Variants in RELN observed in about 807,000 individuals in gnomAD.
RELN encodes the protein reelin.
Under a neutral mutation model 427.6 loss-of-function variants are expected in RELN, and 108 were observed. That is an observed-to-expected ratio of 0.25 (90% CI 0.22 to 0.30). RELN has a LOEUF of 0.30. RELN is among the 10% of genes least tolerant of loss of function. The pLI, the probability that RELN is intolerant of heterozygous loss-of-function variation, is 1.00. For missense variants in RELN, 3,715 were observed against 4,302.8 expected (o/e 0.86, Z 3.82); for synonymous variants, 1,524 against 1,513.4 (o/e 1.01, Z -0.16).
chr7:103,748,889 AAC>A (rs1396810110), intron 6 of RELN, among the ~76,000 whole-genome samples: 1 of 152,216 alleles, frequency 6.6e-6, no homozygotes, highest in African/African-American at 2.4e-5. Context: ...GCAAAAATGC[AAC>A]AGATTGCCAA....
chr7:103,520,954 G>GTTTTTTTTTTTTTTTTT (rs1462369530), intron 48 of RELN, among the ~76,000 whole-genome samples: 2 of 78,186 alleles, frequency 2.6e-5, no homozygotes, highest in African/African-American at 5.0e-5. Context: ...CAGTAAATTT[G>GTTTTTTTTTTTTTTTTT]TTATTTTTTT....
Position 103,574,080 on chromosome 7 carries a change from A to C in RELN, c.4511+12T>G, listed in dbSNP as rs758509796. On this transcript the variant is annotated intron_variant, in intron 30 of 64. Transcript: ENST00000428762. ...ATGTTTGTGAAAAAGTATACCAGTT[A>C]ATACTTGTTACCTGATATTCCTGGT... 16 of 1,597,064 alleles carry C rather than the reference A, an allele frequency of 1.0e-5. No individual in the cohort carries two copies. The African/African-American group carries it at 1.9e-4, about 19-fold the overall frequency.
In RELN at chr7:103,708,464, C is replaced by CTTT. The variant is rs745955015; in HGVS notation, c.806-7461_806-7459dup. ...CACCCAAACACCAGTGGGTATGACT[C>CTTT]TTTTTTTTTTTTTTTTTGAGACGGA... On this transcript the variant is annotated intron_variant, in intron 8 of 64. Coordinates refer to ENST00000428762, the MANE Select transcript of RELN (RefSeq NM_005045.4). 1.2e-4 allele frequency among the ~76,000 whole-genome samples: 13 copies of CTTT among 110,104 alleles called. 1 individual carries two copies. Among genetic ancestry groups the CTTT allele is most frequent in the African/African-American group, 5.8e-4 (13 of 22,606 alleles). 72.2% of individuals were successfully genotyped at this position (110,104 alleles called of 152,430 possible). A position where few individuals can be genotyped will look rare whatever the true frequency, so the allele number is the denominator to read the frequency against.
At chr7:103,880,383 T>A (rs528434708) in intron 2 of RELN, among the ~76,000 whole-genome samples, 2 of 152,282 alleles carry the variant, frequency 1.3e-5, no homozygotes, top group African/African-American at 4.8e-5. Context: ...GTGATGCAGA[T>A]CATGAGTCAT....
At chr7:103,545,915 C>T (rs1252395010) in intron 41 of RELN, among the ~76,000 whole-genome samples, 1 of 152,176 alleles carries the variant, frequency 6.6e-6, no homozygotes, top group Admixed American at 6.5e-5. Context: ...GGATTACAAG[C>T]GTGAGCCACC....
intron 1 of RELN, among the ~76,000 whole-genome samples, chr7:103,973,057 C>A (rs1262833901): frequency 6.6e-6 from 1 of 152,184 alleles, no homozygotes; most frequent in Non-Finnish European, 1.5e-5. Flanking sequence ...AAAAAGAATT[C>A]TGTGTAGAAT....
At chr7:103,903,414 A>G (rs1795125457) in intron 2 of RELN, among the ~76,000 whole-genome samples, 1 of 152,132 alleles carries the variant, frequency 6.6e-6, no homozygotes, top group Admixed American at 6.6e-5. Flanking sequence ...ATGAGAAAGT[A>G]TCCCATGTAA....
chr7:103,594,608 A>C (rs1367577580), intron 25 of RELN, 116 bp from the exon 26 acceptor site: 1 of 1,127,440 alleles, frequency 8.9e-7, no homozygotes, highest in African/African-American at 1.5e-5. Flanking sequence ...TTTGATCTCA[A>C]TATTTTCCAA....
At chr7:103,796,315 T>G (rs921980918) in intron 3 of RELN, among the ~76,000 whole-genome samples, 2 of 152,194 alleles carry the variant, frequency 1.3e-5, no homozygotes, top group East Asian at 1.9e-4. Context: ...GTGACCTTAG[T>G]TCTTCTTAAT....
chr7:103,515,541 A>G, intron 49 of RELN, 100 bp from the exon 50 acceptor site: 1 of 1,458,038 alleles, frequency 6.9e-7, no homozygotes, highest in Non-Finnish European at 9.5e-7. Context: ...TGTATGTCAC[A>G]TGGTGGGTGA....
At chr7:103,715,213 C>T (rs1417485299) in intron 8 of RELN, among the ~76,000 whole-genome samples, 1 of 151,860 alleles carries the variant, frequency 6.6e-6, no homozygotes, top group Non-Finnish European at 1.5e-5. Flanking sequence ...TAAGCATCTA[C>T]TAAAAATGGA....
chr7:103,866,982 G>A lies in RELN; in HGVS notation c.338-33310C>T, dbSNP rs200625722. On this transcript the variant is annotated intron_variant, in intron 2 of 64. Transcript: ENST00000428762. The stretch of plus-strand genomic sequence containing the variant: ...CCCTAACAGATCAATACGTTTCAAG[G>A]ATTAAACACCAGGAGATATGTAAAA... Among the ~76,000 whole-genome samples, 6 of 152,082 alleles carry A rather than the reference G, an allele frequency of 3.9e-5. No homozygotes were observed. The East Asian group carries it at 1.2e-3, about 29-fold the overall frequency.
intron 33 of RELN, 23 bp downstream of exon 33, chr7:103,566,201 C>G: frequency 6.3e-7 from 1 of 1,586,280 alleles, no homozygotes; most frequent in Non-Finnish European, 8.7e-7. Flanking sequence ...GATATTTTCC[C>G]TTTATCTGGT....
In RELN at chr7:103,503,153, C is replaced by T. The variant is rs1211636290; in HGVS notation, c.8352G>A (p.Val2784=). The T allele has an allele frequency of 1.2e-6, 2 of 1,614,206 alleles. No homozygotes were observed. The highest frequency in any genetic ancestry group is 8.5e-7 in the Non-Finnish European group (1 of 1,180,038). ...ACTGAGGGACCAGATAATTCCAACT[C>T]ACACCGAAGTCAGTAGAATACTGCA... ...IHVQYSTDFG[V]SWNYLVPQCL... Residue 2784 remains valine, a synonymous_variant, in exon 52 of 65, where the codon GTG becomes GTA. Coordinates refer to ENST00000428762, the MANE Select transcript of RELN (RefSeq NM_005045.4).
intron 24 of RELN, among the ~76,000 whole-genome samples, chr7:103,602,819 TTAAA>T (rs1273372922): frequency 6.6e-6 from 1 of 151,836 alleles, no homozygotes; most frequent in Admixed American, 6.6e-5. Context: ...ACCCCAGAAC[TTAAA>T]TAATTAAAAA....
At chr7:103,666,716 T>C (rs1394127913) in intron 11 of RELN, among the ~76,000 whole-genome samples, 4 of 152,204 alleles carry the variant, frequency 2.6e-5, no homozygotes, top group African/African-American at 9.6e-5. Flanking sequence ...GAATTTCTTT[T>C]TACATTAATT....
At chr7:103,793,063 A>T (rs1023459812) in intron 3 of RELN, among the ~76,000 whole-genome samples, 4 of 152,218 alleles carry the variant, frequency 2.6e-5, no homozygotes, top group Non-Finnish European at 4.4e-5. Flanking sequence ...GAAACTATAA[A>T]GCCTCAAATT....
intron 3 of RELN, among the ~76,000 whole-genome samples, chr7:103,817,488 G>C (rs576595890): frequency 3.0e-4 from 45 of 152,260 alleles, no homozygotes; most frequent in African/African-American, 1.1e-3. Context: ...AGGTGAAAAG[G>C]ACTTTAAAGG....
chr7:103,948,053 T>C (rs1448432915), intron 1 of RELN, among the ~76,000 whole-genome samples: 1 of 152,234 alleles, frequency 6.6e-6, no homozygotes, highest in Non-Finnish European at 1.5e-5. Flanking sequence ...GTTTCAGTAA[T>C]GAAAATTCAG....
Sources: gnomAD v4.1 joint callset for allele counts (sites outside exome capture counted in the v4.1 genomes callset) on GRCh38, gnomAD v4.1.1 for gene constraint, MANE v1.5 for transcripts, NCBI Gene and HGNC (gene_info 2026-07-23, HGNC 2026-07-21) for gene names.